ADCY2: variants seen among roughly 807,000 people sequenced by gnomAD.
ADCY2 encodes the protein adenylate cyclase 2, also known as adenylate cyclase type 2.
Under a neutral mutation model 125.2 loss-of-function variants are expected in ADCY2, and 31 were observed. The observed-to-expected ratio is 0.25, with a 90% CI of 0.19 to 0.33. ADCY2 has a LOEUF of 0.33. Ranked by LOEUF, ADCY2 falls within the 10% of genes least tolerant of loss-of-function variation. The pLI is 1.00. For missense variants in ADCY2, 904 were observed against 1,418.2 expected, an observed-to-expected ratio of 0.64 and a Z score of 5.82; for synonymous variants, 512 against 548.4, an observed-to-expected ratio of 0.93 and a Z score of 0.93.
chr5:7,462,575 T>C (rs1048234881), intron 2 of ADCY2, among the ~76,000 whole-genome samples: 1 of 152,234 alleles, frequency 6.6e-6, no homozygotes, highest in Non-Finnish European at 1.5e-5. Flanking sequence ...GACATTTTAT[T>C]AGAGAAAACT....
chr5:7,465,102 A>G (rs1219134871), intron 2 of ADCY2, among the ~76,000 whole-genome samples: 5 of 152,140 alleles, frequency 3.3e-5, no homozygotes, highest in African/African-American at 1.2e-4. Flanking sequence ...AACCACCCCC[A>G]TGATTCAGTT....
intron 2 of ADCY2, among the ~76,000 whole-genome samples, chr5:7,507,208 G>A (rs1743858270): frequency 6.7e-6 from 1 of 148,804 alleles, no homozygotes; most frequent in South Asian, 2.1e-4. Flanking sequence ...TTGGGAGGCC[G>A]AGGCGGGCGG....
At chr5:7,424,928 T>C (rs1490783) in intron 2 of ADCY2, among the ~76,000 whole-genome samples, 122,480 of 152,088 alleles carry the variant, frequency 0.81, 49,851 homozygotes, top group African/African-American at 0.88. Context: ...GTCCTTGGCC[T>C]CATTCCTCCC....
intron 22 of ADCY2, among the ~76,000 whole-genome samples, chr5:7,814,955 G>A (rs571157058): frequency 2.1e-4 from 32 of 151,846 alleles, no homozygotes; most frequent in Non-Finnish European, 4.1e-4. Context: ...CCCTCCCCCC[G>A]ACCCATGTCC....
intron 22 of ADCY2, among the ~76,000 whole-genome samples, chr5:7,808,048 C>T (rs986838160): frequency 1.3e-5 from 2 of 152,148 alleles, no homozygotes; most frequent in Non-Finnish European, 2.9e-5. Context: ...TTCTGATGCT[C>T]ACAGAAGATG....
At chr5:7,693,717 C>A (rs2126316395) in intron 5 of ADCY2, among the ~76,000 whole-genome samples, 1 of 152,266 alleles carries the variant, frequency 6.6e-6, no homozygotes. Flanking sequence ...GCCACCACGC[C>A]CGGCCATCTG....
intron 2 of ADCY2, among the ~76,000 whole-genome samples, chr5:7,499,707 A>G (rs906588219): frequency 2.1e-5 from 3 of 144,534 alleles, no homozygotes; most frequent in Non-Finnish European, 3.0e-5. Flanking sequence ...ATATATATGT[A>G]TATATATGTA....
chr5:7,572,953 G>C (rs141930184), intron 3 of ADCY2, among the ~76,000 whole-genome samples: 1 of 152,064 alleles, frequency 6.6e-6, no homozygotes, highest in Non-Finnish European at 1.5e-5. Flanking sequence ...AAGTAATTAA[G>C]GTTAAACAAG....
chr5:7,635,532 T>C (rs533985689), intron 4 of ADCY2, among the ~76,000 whole-genome samples: 8 of 152,274 alleles, frequency 5.3e-5, no homozygotes, highest in African/African-American at 1.9e-4. Context: ...ACTTTATTTA[T>C]TGGGAGGTAA....
At chr5:7,640,013 T>A (rs1738638590) in intron 4 of ADCY2, among the ~76,000 whole-genome samples, 1 of 152,160 alleles carries the variant, frequency 6.6e-6, no homozygotes, top group Admixed American at 6.6e-5. Context: ...CTCGACATCA[T>A]CCCAGCCTGT....
intron 2 of ADCY2, among the ~76,000 whole-genome samples, chr5:7,435,379 A>G (rs1740757251): frequency 6.6e-6 from 1 of 152,184 alleles, no homozygotes; most frequent in Non-Finnish European, 1.5e-5. Flanking sequence ...CTCTTCACTC[A>G]TGACTTAACA....
chr5:7,564,338 A>G (rs1206021942), intron 3 of ADCY2, among the ~76,000 whole-genome samples: 1 of 152,210 alleles, frequency 6.6e-6, no homozygotes, highest in African/African-American at 2.4e-5. Context: ...GTATTATGAT[A>G]TGAGTAATGT....
intron 2 of ADCY2, among the ~76,000 whole-genome samples, chr5:7,502,442 C>G (rs534036600): frequency 5.3e-5 from 8 of 152,282 alleles, no homozygotes; most frequent in Non-Finnish European, 1.0e-4. Context: ...TTGAAGCCAC[C>G]TCTTACTCCC....
intron 4 of ADCY2, among the ~76,000 whole-genome samples, chr5:7,627,816 C>G (rs1246036843): frequency 6.6e-6 from 1 of 152,074 alleles, no homozygotes; most frequent in Non-Finnish European, 1.5e-5. Flanking sequence ...TAGTGAACAC[C>G]AAGGCTGTGG....
intron 2 of ADCY2, among the ~76,000 whole-genome samples, chr5:7,461,622 A>G (rs879395101): frequency 1.3e-5 from 2 of 152,256 alleles, no homozygotes; most frequent in African/African-American, 4.8e-5. Flanking sequence ...AAAAGAGCTG[A>G]GAATTTCATT....
intron 3 of ADCY2, among the ~76,000 whole-genome samples, chr5:7,606,036 T>C (rs769100230): frequency 0.026 from 3,775 of 147,660 alleles, 74 homozygotes; most frequent in Non-Finnish European, 0.037. Context: ...TGTTGAATTT[T>C]GTCAAAGGCT....
chr5:7,743,572 A>T, intron 14 of ADCY2, 96 bp from the exon 15 acceptor site: 1 of 1,090,782 alleles, frequency 9.2e-7, no homozygotes, highest in Non-Finnish European at 1.4e-6. Flanking sequence ...GTCTGCATTT[A>T]ATAAAGTCCT....
chr5:7,602,679 A>G (rs1034577167), intron 3 of ADCY2, among the ~76,000 whole-genome samples: 1 of 152,156 alleles, frequency 6.6e-6, no homozygotes, highest in African/African-American at 2.4e-5. Context: ...CTAGTTTGCC[A>G]GTTTATTTAA....
At chr5:7,795,889 TA>T (rs748142698) in intron 20 of ADCY2, 1 of 152,168 alleles carries the variant, frequency 6.6e-6, no homozygotes, top group Non-Finnish European at 1.5e-5. Flanking sequence ...ACCTTAACTT[TA>T]AAATACTGTA....
Sources: gnomAD v4.1 joint callset for allele counts (sites outside exome capture counted in the v4.1 genomes callset) on GRCh38, gnomAD v4.1.1 for gene constraint, MANE v1.5 for transcripts, NCBI Gene and HGNC (gene_info 2026-07-23, HGNC 2026-07-21) for gene names.